TMPRSS5: variants seen among roughly 807,000 people sequenced by gnomAD.
TMPRSS5 encodes the protein transmembrane protease serine 5.
A neutral mutation model predicts 59.7 loss-of-function variants in TMPRSS5; 45 were observed. That is an observed-to-expected ratio of 0.75 (90% CI 0.59 to 0.97). The LOEUF (loss-of-function observed/expected upper bound fraction) is 0.97. Among genes scored for constraint, TMPRSS5 ranks in the 50% least tolerant of loss-of-function variants. TMPRSS5 has a pLI of 0.00. For synonymous variants in TMPRSS5, 225 were observed against 232.0 expected (o/e 0.97, Z 0.27); for missense variants, 585 against 596.7 (o/e 0.98, Z 0.20).
Position 113,690,347 on chromosome 11 carries a change from T to G in TMPRSS5, c.1090A>C (p.Thr364Pro). 1 of 1,604,756 alleles carries G rather than the reference T, an allele frequency of 6.2e-7. No individual in the cohort carries two copies. The change falls in exon 11 of 13, where the codon ACG becomes CCG. Residue 364 changes from threonine to proline, a missense_variant. Thr to Pro is a conservative substitution (Grantham distance 38). Coordinates refer to ENST00000299882, the MANE Select transcript of TMPRSS5 (RefSeq NM_030770.4). ...HTYSSDMLQD[T>P]VVPLFSTQLC... The stretch of plus-strand genomic sequence containing the variant: ...TGAGTGCTGAACAAGGGCACCACCG[T>G]GTCCTGGAGCATATCCGAGCTGTAA...
At chr11:113,689,586 GAT>G (rs1952702141) in intron 12 of TMPRSS5, among the ~76,000 whole-genome samples, 177 bp downstream of exon 12, 1 of 152,116 alleles carries the variant, frequency 6.6e-6, no homozygotes, top group Non-Finnish European at 1.5e-5. Flanking sequence ...TCCTTAAACT[GAT>G]AGAAATCCAA....
In TMPRSS5 at chr11:113,700,132, G is replaced by T; in HGVS notation, c.40C>A (p.Gln14Lys). 6.3e-7 allele frequency: 1 copy of T among 1,581,458 alleles called. No homozygotes were observed. The highest frequency in any genetic ancestry group is 8.6e-7 in the Non-Finnish European group (1 of 1,162,400). ...GGTCCTGGGCCCTCCTCTGCATACT[G>T]GGCCTCCATAGGGGGTTGGTCATCC... ...MLDDQPPMEA[Q>K]YAEEGPGPGI... is the part of the protein sequence containing the mutation. The change falls in exon 2 of 13, where the codon CAG becomes AAG. Residue 14 changes from glutamine (Q) to lysine (K), a missense_variant. Transcript: ENST00000299882.
chr11:113,700,211 G>A (rs756825189), intron 1 of TMPRSS5, 43 bp from the exon 2 acceptor site: 1 of 1,463,122 alleles, frequency 6.8e-7, no homozygotes, highest in Non-Finnish European at 9.1e-7. Context: ...CCACATCAAG[G>A]ACTGCTGAGA....
In TMPRSS5 at chr11:113,689,871, C is replaced by A. The variant is rs771746689; in HGVS notation, c.1253G>T (p.Arg418Leu). ...CCCCCAGCTGACCACCCCCACTAGG[C>A]GCCATGTGTCCCCATCTGGGCACAC... ...PLVCPDGDTWRLVGVVSWGRG... is the reference protein window; with the variant it reads ...PLVCPDGDTWLLVGVVSWGRG... Residue 418 changes from arginine (R) to leucine (L), a missense_variant, in exon 12 of 13, where the codon CGC becomes CTC. By Grantham distance (102) the Arg-to-Leu change is moderately radical (BLOSUM62 -2). Transcript: ENST00000299882. The A allele has an allele frequency of 2.5e-6, 4 of 1,578,546 alleles. No homozygotes were observed. In the South Asian group the frequency reaches 3.5e-5, roughly 14 times the overall value.
chr11:113,703,706 C>T (rs111466487), intron 1 of TMPRSS5, among the ~76,000 whole-genome samples: 14,614 of 152,232 alleles, frequency 0.096, 1,021 homozygotes, highest in African/African-American at 0.2. Flanking sequence ...ATGCTATTCT[C>T]ATGATAGTGA....
Position 113,688,170 on chromosome 11 carries a change from CTA to C in TMPRSS5, c.*88_*89del, listed in dbSNP as rs954689684. On this transcript the variant is annotated 3_prime_UTR_variant, in exon 13 of 13. Transcript: ENST00000299882. ...AGGTCCATGCGTTCTGTGTCGGAGG[CTA>C]CTGCCTCTCCTCCATTAGTGGAGCT... is the stretch of plus-strand genomic sequence containing the variant. The C allele has an allele frequency of 4.6e-6, 7 of 1,518,098 alleles. No individual in the cohort carries two copies. The highest frequency in any genetic ancestry group is 6.2e-6 in the Non-Finnish European group (7 of 1,133,076). The allele number at this position is 1,518,098 out of a possible 1,614,324, so 94.0% of individuals were successfully genotyped here.
Position 113,693,242 on chromosome 11 carries a change from G to A in TMPRSS5, c.793C>T (p.Leu265=). ...TAAHCMHSFR[L]ARLSSWRVHA... ...ACCCGCCAGCTGGACAGGCGGGCCAGCCTGAAACTGCACACAGGGGCCATG... is the reference window on the plus strand; with the variant it reads ...ACCCGCCAGCTGGACAGGCGGGCCAACCTGAAACTGCACACAGGGGCCATG... The change falls in exon 9 of 13, where the codon CTG becomes TTG. Residue 265 remains leucine, a synonymous_variant. Coordinates refer to ENST00000299882, the MANE Select transcript of TMPRSS5 (RefSeq NM_030770.4). 6.4e-7 allele frequency: 1 copy of A among 1,561,344 alleles called. No homozygotes were observed. The highest frequency in any genetic ancestry group is 1.2e-5 in the South Asian group (1 of 83,134).
rs1402202384 is a variant in TMPRSS5 at position 113,687,588 on chromosome 11, A to G, written c.*672T>C. ...TCACTTTAATAACAGAACTCCTTGG[A>G]CCAGTTCACAGAACTGTCATTTAAA... On this transcript the variant is annotated 3_prime_UTR_variant, in exon 13 of 13. Coordinates refer to ENST00000299882, the MANE Select transcript of TMPRSS5 (RefSeq NM_030770.4). 1 of 152,274 alleles carries G rather than the reference A, an allele frequency of 6.6e-6. No homozygotes were observed. The highest frequency in any genetic ancestry group is 1.5e-5 in the Non-Finnish European group (1 of 68,076). 9.4% of individuals were successfully genotyped at this position (152,274 alleles called of 1,614,324 possible). A position where few individuals can be genotyped will look rare whatever the true frequency, so the allele number is the denominator to read the frequency against.
At chr11:113,694,159 C>T (rs1210437399) in intron 8 of TMPRSS5, among the ~76,000 whole-genome samples, 4 of 150,590 alleles carry the variant, frequency 2.7e-5, no homozygotes, top group African/African-American at 4.9e-5. Flanking sequence ...GCACAAGAAT[C>T]GCTTGAACCC....
intron 9 of TMPRSS5, 44 bp from the exon 10 acceptor site, chr11:113,690,983 T>C (rs1259299624): frequency 7.2e-6 from 11 of 1,530,458 alleles, no homozygotes; most frequent in Non-Finnish European, 9.8e-6. Flanking sequence ...AGGCTTGGCT[T>C]CCCCCACTGC....
intron 8 of TMPRSS5, 46 bp downstream of exon 8, chr11:113,694,431 GA>G: frequency 6.5e-7 from 1 of 1,543,738 alleles, no homozygotes; most frequent in Non-Finnish European, 8.8e-7. Flanking sequence ...CAGCCGAACA[GA>G]AAGGGCAACT....
intron 1 of TMPRSS5, 151 bp downstream of exon 1, chr11:113,706,071 G>A (rs1255448700): frequency 4.8e-6 from 4 of 833,050 alleles, no homozygotes; most frequent in Non-Finnish European, 7.6e-6. Flanking sequence ...CAGGAAATTG[G>A]CCACACAGGG....
chr11:113,688,172 ACTGCCTCTCCTCCATTAGTGGAG>A lies in TMPRSS5; in HGVS notation c.*65_*87del. ...GTCCATGCGTTCTGTGTCGGAGGCT[ACTGCCTCTCCTCCATTAGTGGAG>A]CTGCTGGAGGCCCCAGGAAGCATGA... On this transcript the variant is annotated 3_prime_UTR_variant, in exon 13 of 13. Transcript: ENST00000299882. 6.6e-7 allele frequency: 1 copy of A among 1,520,022 alleles called. No homozygotes were observed. The highest frequency in any genetic ancestry group is 8.8e-7 in the Non-Finnish European group (1 of 1,133,956). 94.2% of individuals were successfully genotyped at this position (1,520,022 alleles called of 1,614,324 possible). A position where few individuals can be genotyped will look rare whatever the true frequency, so the allele number is the denominator to read the frequency against.
At chr11:113,690,153 G>C (rs1301509461) in intron 11 of TMPRSS5, 78 bp downstream of exon 11, 1 of 1,488,402 alleles carries the variant, frequency 6.7e-7, no homozygotes, top group Admixed American at 2.7e-5. Context: ...CAGGGCAGGG[G>C]GCCAAGTCAC....
rs773396003 is a variant in TMPRSS5, at chr11:113,700,103, C to T, written c.69G>A (p.Gly23=). The T allele has an allele frequency of 1.3e-6, 2 of 1,580,592 alleles. No individual in the cohort carries two copies. The highest frequency in any genetic ancestry group is 1.7e-6 in the Non-Finnish European group (2 of 1,162,758). Residue 23 remains glycine (G), a synonymous_variant, in exon 2 of 13, where the codon GGG becomes GGA. Coordinates refer to ENST00000299882, the MANE Select transcript of TMPRSS5 (RefSeq NM_030770.4). ...GGTCTCCAGGCTCTGCTCTGAAGAT[C>T]CCAGGTCCTGGGCCCTCCTCTGCAT... The part of the protein sequence containing the change: ...AQYAEEGPGP[G]IFRAEPGDQQ...
chr11:113,689,798 A>C lies in TMPRSS5; in HGVS notation c.1326T>G (p.Ala442=). The part of the protein sequence containing the change: ...PNHPGVYAKV[A]EFLDWIHDTA... ...TGTCATGGATCCAGTCCAGAAACTC[A>C]GCTACCTTGGCGTAGACACCTGGGT... Residue 442 remains alanine (A), a synonymous_variant, in exon 12 of 13, where the codon GCT becomes GCG. Transcript: ENST00000299882. The C allele has an allele frequency of 6.2e-7, 1 of 1,609,660 alleles. No homozygotes were observed. Among genetic ancestry groups the C allele is most frequent in the Non-Finnish European group, 8.5e-7 (1 of 1,178,210 alleles).
intron 6 of TMPRSS5, 142 bp from the exon 7 acceptor site, chr11:113,695,585 C>A: frequency 5.0e-6 from 4 of 798,164 alleles, no homozygotes; most frequent in South Asian, 4.7e-5. Flanking sequence ...CTGAAGAATA[C>A]CACCATTTCC....
At chr11:113,699,272 C>CCTCTCTCTCTCCCTCTCTCT (rs1565263851) in intron 3 of TMPRSS5, among the ~76,000 whole-genome samples, 4 of 24,056 alleles carry the variant, frequency 1.7e-4, no homozygotes. Flanking sequence ...TCTCTCTCTC[C>CCTCTCTCTCTCCCTCTCTCT]CTCTCTCTCT....
At position 113,693,223 on chromosome 11, in the gene TMPRSS5, C is replaced by G. The variant is rs1952835117; in HGVS notation, c.812G>C (p.Trp271Ser). Residue 271 changes from tryptophan to serine, a missense_variant, in exon 9 of 13, where the codon TGG (tryptophan) becomes TCG (serine). By Grantham distance (177) the Trp-to-Ser change is radical (BLOSUM62 -3). Coordinates refer to ENST00000299882, the MANE Select transcript of TMPRSS5 (RefSeq NM_030770.4). ...GCTGACCAGCCCCGCATGAACCCGC[C>G]AGCTGGACAGGCGGGCCAGCCTGAA... The part of the protein sequence containing the change: ...HSFRLARLSS[W>S]RVHAGLVSHS... The G allele has an allele frequency of 6.3e-7, 1 of 1,580,800 alleles. No individual in the cohort carries two copies. The highest frequency in any genetic ancestry group is 1.8e-5 in the Admixed American group (1 of 56,974).
Sources: allele counts gnomAD v4.1 joint callset (sites outside exome capture counted in the v4.1 genomes callset), GRCh38; gene constraint gnomAD v4.1.1; transcripts MANE v1.5; gene names NCBI Gene and HGNC (gene_info 2026-07-23, HGNC 2026-07-21).